DIS3L2: variants seen among roughly 807,000 people sequenced by gnomAD.
The protein encoded by DIS3L2 is DIS3 like 3'-5' exoribonuclease 2, also known as DIS3-like exonuclease 2.
DIS3L2 carries 34 observed loss-of-function variants against 97.5 expected under a neutral mutation model. The observed-to-expected ratio is 0.35, with a 90% CI of 0.27 to 0.46. DIS3L2 has a LOEUF of 0.46. DIS3L2 is among the 20% of genes least tolerant of loss of function. DIS3L2 has a pLI of 1.00. For synonymous variants in DIS3L2, 435 were observed against 445.2 expected, an observed-to-expected ratio of 0.98 and a Z score of 0.29; for missense variants, 1,038 against 1,146.0, an observed-to-expected ratio of 0.91 and a Z score of 1.36.
At chr2:232,052,360 A>G (rs940820633) in intron 5 of DIS3L2, among the ~76,000 whole-genome samples, 5 of 152,158 alleles carry the variant, frequency 3.3e-5, no homozygotes, top group African/African-American at 1.2e-4. Context: ...GAGTTAAATA[A>G]ACTTGATTGT....
chr2:232,169,335 G>A (rs142938324), intron 9 of DIS3L2, among the ~76,000 whole-genome samples: 79 of 151,826 alleles, frequency 5.2e-4, no homozygotes, highest in African/African-American at 1.5e-3. Flanking sequence ...CATATATGCC[G>A]TATATGTCAT....
intron 9 of DIS3L2, among the ~76,000 whole-genome samples, chr2:232,171,936 A>G (rs980406269): frequency 1.7e-4 from 26 of 152,220 alleles, no homozygotes; most frequent in African/African-American, 5.8e-4. Flanking sequence ...GCAAAAGACA[A>G]TATTTGAATT....
At chr2:232,006,712 A>G (rs1234597671) in intron 1 of DIS3L2, among the ~76,000 whole-genome samples, 2 of 152,178 alleles carry the variant, frequency 1.3e-5, no homozygotes, top group African/African-American at 4.8e-5. Context: ...GTAGAAACCG[A>G]AGAGGTAAGT....
At chr2:232,330,587 CT>C in intron 15 of DIS3L2, 102 bp from the exon 16 acceptor site, 3 of 1,250,174 alleles carry the variant, frequency 2.4e-6, no homozygotes, top group Non-Finnish European at 3.5e-6. Context: ...CAGGCAACTC[CT>C]CCCCCCAGAG....
At position 232,334,687 on chromosome 2, in the gene DIS3L2, C is replaced by T. The variant is rs375456340; in HGVS notation, c.2346C>T (p.Phe782=). 15 of 1,610,702 alleles carry T rather than the reference C, an allele frequency of 9.3e-6. No individual in the cohort carries two copies. The Admixed American group carries it at 1.5e-4, about 16-fold the overall frequency. The change falls in exon 19 of 21, where the codon TTC becomes TTT. Residue 782 remains phenylalanine (F), a synonymous_variant. Coordinates refer to ENST00000325385, the MANE Select transcript of DIS3L2 (RefSeq NM_152383.5). ...TGATGGGCATCCTGAAGCAAGCCTT[C>T]GACGTGCTGGTGCTGCGCTACGGCG... The part of the protein sequence containing the change: ...AMVMGILKQA[F]DVLVLRYGVQ...
intron 5 of DIS3L2, among the ~76,000 whole-genome samples, chr2:232,042,575 T>A (rs1281319321): frequency 1.3e-5 from 2 of 152,168 alleles, no homozygotes; most frequent in African/African-American, 4.8e-5. Context: ...CCCAAGATTG[T>A]TATATACACA....
At chr2:232,305,175 A>G (rs1324346693) in intron 14 of DIS3L2, among the ~76,000 whole-genome samples, 2 of 152,174 alleles carry the variant, frequency 1.3e-5, no homozygotes, top group African/African-American at 4.8e-5. Flanking sequence ...ACCTGGGTTC[A>G]AGTGATTCTC....
chr2:232,300,668 T>C (rs1023771829), intron 14 of DIS3L2, among the ~76,000 whole-genome samples: 6 of 150,992 alleles, frequency 4.0e-5, no homozygotes, highest in African/African-American at 1.5e-4. Flanking sequence ...TTTTTTTTTT[T>C]TTTTGAGACA....
intron 6 of DIS3L2, chr2:232,111,182 C>A (rs1175214865): frequency 1.1e-5 from 5 of 469,944 alleles, no homozygotes; most frequent in African/African-American, 2.0e-5. Flanking sequence ...ATAGTTCATC[C>A]CTTCTGTTTT....
intron 10 of DIS3L2, among the ~76,000 whole-genome samples, chr2:232,221,520 C>G (rs1194421502): frequency 9.2e-5 from 14 of 152,126 alleles, no homozygotes. Flanking sequence ...AAGAAAAATT[C>G]CAGCTGGGCA....
At chr2:232,336,411 C>T (rs1486678809) in intron 20 of DIS3L2, 58 bp from the exon 21 acceptor site, 5 of 1,564,752 alleles carry the variant, frequency 3.2e-6, no homozygotes, top group Non-Finnish European at 3.5e-6. Context: ...GGAGGCAGAG[C>T]TGCGCCTCGA....
At chr2:232,197,220 A>T (rs1691778760) in intron 9 of DIS3L2, among the ~76,000 whole-genome samples, 1 of 152,188 alleles carries the variant, frequency 6.6e-6, no homozygotes, top group Non-Finnish European at 1.5e-5. Context: ...ATTTAAATCC[A>T]TTAAATGCTG....
At chr2:232,119,042 G>C (rs1697813623) in intron 6 of DIS3L2, among the ~76,000 whole-genome samples, 1 of 152,190 alleles carries the variant, frequency 6.6e-6, no homozygotes, top group Admixed American at 6.5e-5. Flanking sequence ...GGCTCTTGGG[G>C]AAGTAGCATT....
intron 10 of DIS3L2, among the ~76,000 whole-genome samples, chr2:232,231,955 G>A (rs1036953646): frequency 2.0e-5 from 3 of 152,168 alleles, no homozygotes; most frequent in Non-Finnish European, 2.9e-5. Context: ...CAGGCCTGCC[G>A]GAGGAAGTGA....
intron 1 of DIS3L2, among the ~76,000 whole-genome samples, chr2:232,012,233 C>T (rs1020766842): frequency 6.6e-6 from 1 of 152,170 alleles, no homozygotes; most frequent in Non-Finnish European, 1.5e-5. Context: ...CCTATTCTAT[C>T]CTAGGTGCTG....
intron 5 of DIS3L2, among the ~76,000 whole-genome samples, chr2:232,039,393 G>C (rs1388562108): frequency 6.6e-6 from 1 of 152,158 alleles, no homozygotes; most frequent in Non-Finnish European, 1.5e-5. Context: ...GTGAGCCAAT[G>C]TGGATTAATT....
chr2:232,024,389 C>T lies in DIS3L2; in HGVS notation c.264+59C>T, dbSNP rs997720931. ...CACATTTAATTTTTTAGATCTGCTC[C>T]GAAACTGAAATCATATATTCTAACT... On this transcript the variant is annotated intron_variant, in intron 4 of 20. Transcript: ENST00000325385. 4.6e-5 allele frequency: 61 copies of T among 1,314,090 alleles called. No homozygotes were observed. In the Admixed American group the frequency reaches 9.5e-4, roughly 21 times the overall value. The allele number at this position is 1,314,090 out of a possible 1,614,324, so 81.4% of individuals were successfully genotyped here.
At chr2:232,338,124 A>G (rs985135222), downstream of DIS3L2, among the ~76,000 whole-genome samples, 7 of 146,092 alleles carry the variant, frequency 4.8e-5, no homozygotes, top group Non-Finnish European at 1.0e-4. Context: ...CCTGACTGTG[A>G]GAGCCCCAAA....
At chr2:232,163,419 G>C (rs1313806437) in intron 8 of DIS3L2, 40 bp from the exon 9 acceptor site, 2 of 1,592,770 alleles carry the variant, frequency 1.3e-6, no homozygotes, top group South Asian at 2.3e-5. Context: ...TGTTCCATTT[G>C]TTTGCTAACC....
Sources: gnomAD v4.1 joint callset for allele counts (sites outside exome capture counted in the v4.1 genomes callset) on GRCh38, gnomAD v4.1.1 for gene constraint, MANE v1.5 for transcripts, NCBI Gene and HGNC (gene_info 2026-07-23, HGNC 2026-07-21) for gene names.